The following PADI4 variants were observed in gnomAD, a reference collection of about 807,000 sequenced individuals.
The protein encoded by PADI4 is protein-arginine deiminase type-4.
A neutral mutation model predicts 75.0 loss-of-function variants in PADI4; 62 were observed. The observed-to-expected ratio is 0.83, with a 90% CI of 0.67 to 1.02. The LOEUF is 1.02. Among genes scored for constraint, PADI4 ranks in the 50% least tolerant of loss-of-function variants. The pLI, the probability that PADI4 is intolerant of heterozygous loss-of-function variation, is 0.00. For missense variants in PADI4, 845 were observed against 850.5 expected (o/e 0.99, Z 0.08); for synonymous variants, 361 against 348.1 (o/e 1.04, Z -0.41).
intron 1 of PADI4, among the ~76,000 whole-genome samples, chr1:17,328,037 A>G (rs1230470135): frequency 1.3e-5 from 2 of 152,090 alleles, no homozygotes; most frequent in Admixed American, 1.3e-4. Context: ...TCTTAAAGAC[A>G]GGTTCTCACT....
At chr1:17,337,861 G>A (rs1346666089) in intron 4 of PADI4, among the ~76,000 whole-genome samples, 177 bp from the exon 5 acceptor site, 2 of 152,174 alleles carry the variant, frequency 1.3e-5, no homozygotes, top group Non-Finnish European at 2.9e-5. Context: ...GTTGCAGTGA[G>A]CCAAGATCAC....
intron 13 of PADI4, among the ~76,000 whole-genome samples, chr1:17,357,054 T>C (rs1437719789): frequency 6.6e-6 from 1 of 152,254 alleles, no homozygotes; most frequent in African/African-American, 2.4e-5. Flanking sequence ...CCTCTCTCGA[T>C]GGGATCTCTT....
At position 17,354,517 on chromosome 1, in the gene PADI4, C is replaced by T. The variant is rs2074725322; in HGVS notation, c.1156-16C>T. 1.2e-6 allele frequency: 2 copies of T among 1,613,852 alleles called. No individual in the cohort carries two copies. The highest frequency in any genetic ancestry group is 2.7e-5 in the African/African-American group (2 of 75,038). On this transcript the variant is annotated splice_polypyrimidine_tract_variant and intron_variant, in intron 10 of 15. Coordinates refer to ENST00000375448, the MANE Select transcript of PADI4 (RefSeq NM_012387.3). Reference sequence around the variant, plus strand: ...CTCATTCCTCTAACTCTTGGCACTCCCTTCTCCTATCTCAGGGTCCAGATT... The same window carrying T: ...CTCATTCCTCTAACTCTTGGCACTCTCTTCTCCTATCTCAGGGTCCAGATT...
intron 1 of PADI4, 76 bp from the exon 2 acceptor site, chr1:17,330,893 G>A (rs2074198149): frequency 8.5e-6 from 8 of 936,382 alleles, no homozygotes; most frequent in Non-Finnish European, 1.1e-5. Context: ...ATCACAAGGA[G>A]AAATGCTGGG....
chr1:17,320,713 T>G (rs1343497121), intron 1 of PADI4, among the ~76,000 whole-genome samples: 1 of 152,166 alleles, frequency 6.6e-6, no homozygotes, highest in Non-Finnish European at 1.5e-5. Context: ...TTGGTTTTGG[T>G]GGGGTTTGGC....
intron 2 of PADI4, among the ~76,000 whole-genome samples, chr1:17,332,446 C>T (rs892604415): frequency 6.6e-6 from 1 of 152,028 alleles, no homozygotes; most frequent in Non-Finnish European, 1.5e-5. Flanking sequence ...GATGGGATTT[C>T]ACCATGTTGG....
intron 1 of PADI4, among the ~76,000 whole-genome samples, chr1:17,328,706 C>T (rs2074155736): frequency 6.6e-6 from 1 of 151,958 alleles, no homozygotes; most frequent in Non-Finnish European, 1.5e-5. Context: ...TCTTAATTCC[C>T]ATTTTAATCA....
intron 8 of PADI4, 141 bp from the exon 9 acceptor site, chr1:17,345,887 A>C: frequency 1.7e-6 from 1 of 605,818 alleles, no homozygotes; most frequent in South Asian, 2.0e-5. Context: ...AATGCCTGCT[A>C]AGAGCAGATG....
At chr1:17,337,108 G>A (rs2074326602) in intron 4 of PADI4, among the ~76,000 whole-genome samples, 1 of 152,074 alleles carries the variant, frequency 6.6e-6, no homozygotes, top group South Asian at 2.1e-4. Flanking sequence ...GCTGCATTTG[G>A]TTTGTCAAGC....
intron 1 of PADI4, among the ~76,000 whole-genome samples, 193 bp downstream of exon 1, chr1:17,308,507 G>A (rs568429095): frequency 6.6e-6 from 1 of 152,294 alleles, no homozygotes; most frequent in East Asian, 1.9e-4. Context: ...TGGGTTCTTT[G>A]CCATGTACAA....
chr1:17,357,326 C>T (rs1182699752), intron 13 of PADI4, among the ~76,000 whole-genome samples: 3 of 152,096 alleles, frequency 2.0e-5, no homozygotes, highest in Non-Finnish European at 2.9e-5. Context: ...CACCACCACA[C>T]CTGGCTAATG....
intron 15 of PADI4, 129 bp from the exon 16 acceptor site, chr1:17,363,393 G>T: frequency 1.5e-6 from 1 of 645,606 alleles, no homozygotes; most frequent in South Asian, 1.9e-5. Context: ...AAAGTGCTGG[G>T]ACTACAGGTC....
At chr1:17,358,751 A>G (rs1197599841) in intron 13 of PADI4, 87 bp from the exon 14 acceptor site, 3 of 822,852 alleles carry the variant, frequency 3.6e-6, no homozygotes, top group Non-Finnish European at 6.2e-6. Context: ...ATAGATGGGA[A>G]CACTGAGTCC....
chr1:17,327,759 C>T (rs1204893), intron 1 of PADI4, among the ~76,000 whole-genome samples: 98,635 of 151,740 alleles, frequency 0.65, 32,190 homozygotes, highest in Non-Finnish European at 0.67. Flanking sequence ...TTGGCCAGGC[C>T]GGTCTCAAAC....
intron 6 of PADI4, among the ~76,000 whole-genome samples, chr1:17,341,374 C>A (rs1214296400): frequency 6.6e-6 from 1 of 152,202 alleles, no homozygotes; most frequent in Admixed American, 6.5e-5. Flanking sequence ...GCTGGGATTA[C>A]AGGCGTAAGC....
chr1:17,314,940 C>T lies in PADI4; in HGVS notation c.92+6626C>T, dbSNP rs141715357. Reference sequence around the variant, plus strand: ...TGGTGTGTTGGGAATTCGTATGTTCCATTCACACTGACCCTGGCAATCTCC... The same window carrying T: ...TGGTGTGTTGGGAATTCGTATGTTCTATTCACACTGACCCTGGCAATCTCC... On this transcript the variant is annotated intron_variant, in intron 1 of 15. Coordinates refer to ENST00000375448, the MANE Select transcript of PADI4 (RefSeq NM_012387.3). Among the ~76,000 whole-genome samples the T allele has an allele frequency of 4.3e-4, 66 of 152,280 alleles. 1 individual carries two copies. Among genetic ancestry groups the T allele is most frequent in the African/African-American group, 1.5e-3 (63 of 41,558 alleles).
intron 3 of PADI4, chr1:17,334,666 C>A: frequency 4.4e-6 from 2 of 455,006 alleles, no homozygotes; most frequent in Non-Finnish European, 8.8e-6. Context: ...CTGTCTTATA[C>A]AAGAATATAG....
At chr1:17,311,886 C>T (rs1446510388) in intron 1 of PADI4, among the ~76,000 whole-genome samples, 3 of 152,150 alleles carry the variant, frequency 2.0e-5, no homozygotes, top group Non-Finnish European at 4.4e-5. Flanking sequence ...GTCTGTTTGT[C>T]TCTCTGAGCC....
chr1:17,319,583 A>G (rs2073999721), intron 1 of PADI4, among the ~76,000 whole-genome samples: 2 of 152,238 alleles, frequency 1.3e-5, no homozygotes, highest in African/African-American at 2.4e-5. Flanking sequence ...ATTTGTTAAA[A>G]GAAACACAAG....
Sources: allele counts gnomAD v4.1 joint callset (sites outside exome capture counted in the v4.1 genomes callset), GRCh38; gene constraint gnomAD v4.1.1; transcripts MANE v1.5; gene names NCBI Gene and HGNC (gene_info 2026-07-23, HGNC 2026-07-21).